PDE1C: variants seen among roughly 807,000 people sequenced by gnomAD.
PDE1C encodes the protein dual specificity calcium/calmodulin-dependent 3',5'-cyclic nucleotide phosphodiesterase 1C.
A neutral mutation model predicts 93.1 loss-of-function variants in PDE1C; 62 were observed. The ratio of observed to expected loss-of-function variants is 0.67; its 90% CI spans 0.54 to 0.82. The LOEUF (loss-of-function observed/expected upper bound fraction) is 0.82. Among genes scored for constraint, PDE1C ranks in the 40% least tolerant of loss-of-function variants. The pLI is 0.00. For synonymous variants in PDE1C, 325 were observed against 310.1 expected (o/e 1.05, Z -0.50); for missense variants, 742 against 884.6 (o/e 0.84, Z 2.04).
At chr7:31,804,405 T>C (rs1163664672) in intron 16 of PDE1C, among the ~76,000 whole-genome samples, 6 of 151,836 alleles carry the variant, frequency 4.0e-5, no homozygotes, top group Admixed American at 6.6e-5. Flanking sequence ...TGGATGGTTC[T>C]GTTCTGGCCT....
intron 2 of PDE1C, among the ~76,000 whole-genome samples, chr7:32,177,324 G>A (rs1213405325): frequency 6.6e-6 from 1 of 152,166 alleles, no homozygotes; most frequent in Non-Finnish European, 1.5e-5. Flanking sequence ...CAAGACACAG[G>A]TGCAATGTCA....
chr7:31,906,326 T>C (rs983628132), intron 2 of PDE1C, among the ~76,000 whole-genome samples: 3 of 152,204 alleles, frequency 2.0e-5, no homozygotes, highest in Non-Finnish European at 4.4e-5. Context: ...AATTAGTTAT[T>C]ATCTCTCAAA....
chr7:32,173,919 G>A (rs548169509), intron 2 of PDE1C, among the ~76,000 whole-genome samples: 12 of 152,264 alleles, frequency 7.9e-5, no homozygotes, highest in Admixed American at 1.3e-4. Flanking sequence ...TTCAATGCCC[G>A]TGCCATAACT....
chr7:31,863,678 G>A (rs555754904), intron 7 of PDE1C, among the ~76,000 whole-genome samples: 39 of 152,118 alleles, frequency 2.6e-4, no homozygotes, highest in Admixed American at 7.9e-4. Flanking sequence ...ATTCTGCAAC[G>A]TTTTAACAAT....
intron 6 of PDE1C, 35 bp downstream of exon 6, chr7:31,873,257 G>C (rs1451646726): frequency 1.6e-6 from 2 of 1,271,558 alleles, no homozygotes; most frequent in South Asian, 1.2e-5. Context: ...TATGCATGTA[G>C]TTTATTTATT....
At chr7:32,172,679 G>A (rs561345781) in intron 2 of PDE1C, among the ~76,000 whole-genome samples, 18 of 152,040 alleles carry the variant, frequency 1.2e-4, no homozygotes, top group East Asian at 3.9e-4. Flanking sequence ...AAAATTAGCC[G>A]GGCATGGTGG....
intron 1 of PDE1C, among the ~76,000 whole-genome samples, chr7:32,053,529 T>C (rs147086584): frequency 9.0e-4 from 137 of 152,194 alleles, no homozygotes; most frequent in African/African-American, 3.2e-3. Flanking sequence ...AAATAACCCA[T>C]TGAGCGTATA....
intron 3 of PDE1C, among the ~76,000 whole-genome samples, chr7:32,152,920 A>T (rs910019522): frequency 6.6e-6 from 1 of 152,206 alleles, no homozygotes; most frequent in African/African-American, 2.4e-5. Flanking sequence ...AGCCAAAATG[A>T]TCATGAGGAT....
At chr7:31,978,897 C>T (rs191541317) in intron 2 of PDE1C, among the ~76,000 whole-genome samples, 135 of 152,234 alleles carry the variant, frequency 8.9e-4, no homozygotes, top group African/African-American at 2.8e-3. Flanking sequence ...TCATCACATT[C>T]GGAAAGGTTT....
chr7:32,176,967 C>A (rs1247390110), intron 2 of PDE1C, among the ~76,000 whole-genome samples: 1 of 152,072 alleles, frequency 6.6e-6, no homozygotes, highest in Non-Finnish European at 1.5e-5. Context: ...TCAGCAGGCT[C>A]TGAAGAGATG....
rs182027562 is a variant in PDE1C at position 32,026,132 on chromosome 7, G to A, written c.128+25422C>T. ...CCAGTAAAATTCAGAAACCATGCTC[G>A]GAATGAATCAACCACCAAATGGAAC... On this transcript the variant is annotated intron_variant, in intron 2 of 17. Transcript: ENST00000396191. Among the ~76,000 whole-genome samples the A allele has an allele frequency of 5.6e-4, 85 of 152,094 alleles. 1 individual carries two copies. The highest frequency in any genetic ancestry group is 1.9e-3 in the African/African-American group (78 of 41,508).
At chr7:32,125,393 G>A (rs961462963) in intron 3 of PDE1C, among the ~76,000 whole-genome samples, 10 of 151,974 alleles carry the variant, frequency 6.6e-5, no homozygotes, top group East Asian at 1.9e-4. Context: ...AATATAAATC[G>A]TTCTACTATA....
chr7:31,812,201 A>C (rs1306749751), intron 15 of PDE1C, among the ~76,000 whole-genome samples: 1 of 152,114 alleles, frequency 6.6e-6, no homozygotes, highest in Non-Finnish European at 1.5e-5. Flanking sequence ...TTACTTTTTA[A>C]GGGAAATGGT....
At chr7:32,118,364 T>C (rs769568407) in intron 3 of PDE1C, among the ~76,000 whole-genome samples, 2 of 152,202 alleles carry the variant, frequency 1.3e-5, no homozygotes, top group Non-Finnish European at 2.9e-5. Flanking sequence ...CCTTGCATGA[T>C]TCAGTAGAGA....
At chr7:31,662,940 A>T in the PDE1C span, among the ~76,000 whole-genome samples, 2 of 152,170 alleles carry the variant, frequency 1.3e-5, no homozygotes, top group African/African-American at 4.8e-5. Context: ...GTCTTCAAAG[A>T]GTTCTTACTG....
At chr7:32,054,797 A>C (rs943925550) in intron 1 of PDE1C, among the ~76,000 whole-genome samples, 1 of 152,206 alleles carries the variant, frequency 6.6e-6, no homozygotes, top group Non-Finnish European at 1.5e-5. Flanking sequence ...TCATCTTACA[A>C]TGGAGTTTGG....
chr7:32,225,053 G>A (rs952284484), intron 1 of PDE1C, among the ~76,000 whole-genome samples: 27 of 150,786 alleles, frequency 1.8e-4, no homozygotes, highest in African/African-American at 4.1e-4. Context: ...TAAAATATAC[G>A]ACTAAGTATT....
At chr7:31,796,201 T>A (rs1785279090) in intron 16 of PDE1C, among the ~76,000 whole-genome samples, 1 of 150,106 alleles carries the variant, frequency 6.7e-6, no homozygotes, top group Non-Finnish European at 1.5e-5. Flanking sequence ...TGATATATAT[T>A]AATATATCTT....
intron 2 of PDE1C, among the ~76,000 whole-genome samples, chr7:31,886,973 G>T (rs1365934877): frequency 6.6e-6 from 1 of 151,406 alleles, no homozygotes; most frequent in East Asian, 1.9e-4. Flanking sequence ...TTCTCCTGGA[G>T]ATAATGGGGA....
Sources: gnomAD v4.1 joint callset for allele counts (sites outside exome capture counted in the v4.1 genomes callset) on GRCh38, gnomAD v4.1.1 for gene constraint, MANE v1.5 for transcripts, NCBI Gene and HGNC (gene_info 2026-07-23, HGNC 2026-07-21) for gene names.